TBX20: variants seen among roughly 807,000 people sequenced by gnomAD.
TBX20 encodes T-box transcription factor 20.
Under a neutral mutation model 42.9 loss-of-function variants are expected in TBX20, and 8 were observed. The observed-to-expected ratio is 0.19, with a 90% CI of 0.11 to 0.34. TBX20 has a LOEUF of 0.34. Ranked by LOEUF, TBX20 falls within the 10% of genes least tolerant of loss-of-function variation. The pLI, the probability that TBX20 is intolerant of heterozygous loss-of-function variation, is 1.00. For missense variants in TBX20, 411 were observed against 566.0 expected (o/e 0.73, Z 2.78); for synonymous variants, 198 against 222.8 (o/e 0.89, Z 0.99).
At chr7:35,218,218 G>A (rs1227058738) in intron 6 of TBX20, among the ~76,000 whole-genome samples, 1 of 152,196 alleles carries the variant, frequency 6.6e-6, no homozygotes, top group Non-Finnish European at 1.5e-5. Flanking sequence ...CAAAGACGTG[G>A]TGGAATGGAT....
chr7:35,236,594 C>A (rs1427477689), intron 5 of TBX20, among the ~76,000 whole-genome samples: 4 of 152,084 alleles, frequency 2.6e-5, no homozygotes, highest in Admixed American at 2.0e-4. Context: ...TTACTGAGCA[C>A]CTACAAGAGG....
intron 6 of TBX20, among the ~76,000 whole-genome samples, chr7:35,222,902 C>A (rs552088108): frequency 2.0e-4 from 31 of 152,190 alleles, no homozygotes; most frequent in African/African-American, 7.5e-4. Context: ...GATCAAACTT[C>A]CTTTCTTTGG....
In TBX20 at chr7:35,240,906, C is replaced by T. The variant is rs370693067; in HGVS notation, c.786G>A (p.Thr262=). The part of the protein sequence containing the change: ...RTFIFPETVF[T]AVTAYQNQLI... Reference sequence around the variant, plus strand: ...GTTGATTCTGGTAGGCAGTGACTGCCGTAAAAACTGTTTCTGGAAAGATGA... The same window carrying T: ...GTTGATTCTGGTAGGCAGTGACTGCTGTAAAAACTGTTTCTGGAAAGATGA... Residue 262 remains threonine, a synonymous_variant, in exon 5 of 8, where the codon ACG becomes ACA. Transcript: ENST00000408931. The T allele has an allele frequency of 1.3e-5, 21 of 1,613,684 alleles. No homozygotes were observed. In the African/African-American group the frequency reaches 1.9e-4, roughly 14 times the overall value.
chr7:35,204,618 T>G, intron 6 of TBX20, 36 bp from the exon 7 acceptor site: 1 of 1,510,844 alleles, frequency 6.6e-7, no homozygotes, highest in East Asian at 2.3e-5. Context: ...TTAAGTAAAA[T>G]GTAAAGGACT....
chr7:35,241,075 C>T lies in TBX20; in HGVS notation c.655-38G>A, dbSNP rs747263018. 6 of 1,598,020 alleles carry T rather than the reference C, an allele frequency of 3.8e-6. No homozygotes were observed. In the African/African-American group the frequency reaches 4.0e-5, roughly 11 times the overall value. ...GATGGGAAGTACTGAATTTTACATA[C>T]TTATACTGCTAAACAGGCCAAATTA... On this transcript the variant is annotated intron_variant, in intron 4 of 7. Transcript: ENST00000408931.
chr7:35,202,773 G>A lies in TBX20; in HGVS notation c.1004-3C>T, dbSNP rs1484676351. 3.2e-6 allele frequency: 5 copies of A among 1,549,038 alleles called. No individual in the cohort carries two copies. The South Asian group carries it at 6.0e-5, about 19-fold the overall frequency. On this transcript the variant is annotated splice_polypyrimidine_tract_variant and splice_region_variant and intron_variant, in intron 7 of 7. Transcript: ENST00000408931. The stretch of plus-strand genomic sequence containing the variant: ...ATCAGATGTTGTAAAGGCTGACCCT[G>A]TAAGGAAAAACACTCATTAGACTGG...
At chr7:35,233,311 C>T (rs4723398) in intron 5 of TBX20, among the ~76,000 whole-genome samples, 80,443 of 152,032 alleles carry the variant, frequency 0.53, 21,532 homozygotes, top group Admixed American at 0.61. Context: ...TTTGATAATA[C>T]TAATTTTAAA....
intron 4 of TBX20, among the ~76,000 whole-genome samples, chr7:35,241,493 TG>T (rs3214339): frequency 0.35 from 53,653 of 151,870 alleles, 9,923 homozygotes; most frequent in Admixed American, 0.45. Flanking sequence ...TAGACAGACT[TG>T]GGTAAAAATT....
In TBX20 at chr7:35,248,736, G is replaced by A. The variant is rs1434123349; in HGVS notation, c.486C>T (p.Tyr162=). ...IVPVDNKRYR[Y]AYHRSSWLVA... is the part of the protein sequence containing the mutation. ...CCAGCCAGGAGGACCGGTGGTAGGC[G>A]TAGCGGTACCTCTTGTTGTCCACAG... is the stretch of plus-strand genomic sequence containing the variant. Residue 162 remains tyrosine, a synonymous_variant, in exon 3 of 8, where the codon TAC becomes TAT. Coordinates refer to ENST00000408931, the MANE Select transcript of TBX20 (RefSeq NM_001077653.2). 6 of 1,614,200 alleles carry A rather than the reference G, an allele frequency of 3.7e-6. No homozygotes were observed. Among genetic ancestry groups the A allele is most frequent in the South Asian group, 2.2e-5 (2 of 91,086 alleles).
intron 6 of TBX20, among the ~76,000 whole-genome samples, chr7:35,210,566 G>A (rs1416452704): frequency 3.9e-5 from 6 of 151,932 alleles, no homozygotes; most frequent in African/African-American, 1.5e-4. Flanking sequence ...TTGTATATTT[G>A]TCTGTTTTTT....
Position 35,244,726 on chromosome 7 carries a change from T to C in TBX20, c.654+223A>G, listed in dbSNP as rs78301022. ...GGAATTCCATGGAACAGAAGATCCC[T>C]GACCTTCTTGCATAGAAATGGCACA... On this transcript the variant is annotated intron_variant, in intron 4 of 7. Transcript: ENST00000408931. 6.8e-3 allele frequency among the ~76,000 whole-genome samples: 1,040 copies of C among 152,332 alleles called. 8 individuals carry two copies. The highest frequency in any genetic ancestry group is 0.012 in the Non-Finnish European group (793 of 68,032).
intron 6 of TBX20, among the ~76,000 whole-genome samples, chr7:35,206,901 T>A (rs1379753009): frequency 6.6e-6 from 1 of 152,342 alleles, no homozygotes; most frequent in East Asian, 1.9e-4. Flanking sequence ...TGCATGGATA[T>A]ATTATGGTTT....
chr7:35,253,754 G>C lies in TBX20; in HGVS notation c.-134C>G, dbSNP rs959552896. 2 of 1,174,096 alleles carry C rather than the reference G, an allele frequency of 1.7e-6. No individual in the cohort carries two copies. The highest frequency in any genetic ancestry group is 2.4e-6 in the Non-Finnish European group (2 of 839,702). 72.7% of individuals were successfully genotyped at this position (1,174,096 alleles called of 1,614,324 possible). On this transcript the variant is annotated 5_prime_UTR_variant, in exon 1 of 8. Transcript: ENST00000408931. The stretch of plus-strand genomic sequence containing the variant: ...CACAGCGGGGCCAGGGACTCCAGAA[G>C]TGTCAGCTCCAACGACTCCAGAGCT...
At position 35,250,053 on chromosome 7, in the gene TBX20, G is replaced by C. The variant is rs1267512144; in HGVS notation, c.278C>G (p.Pro93Arg). 6.2e-7 allele frequency: 1 copy of C among 1,613,824 alleles called. No homozygotes were observed. Among genetic ancestry groups the C allele is most frequent in the East Asian group, 2.2e-5 (1 of 44,880 alleles). ...EPLIPTTPII[P>R]SEEMAKIACS... is the part of the protein sequence containing the mutation. ...GGCAATTTTGGCCATTTCCTCACTG[G>C]GGATGATGGGGGTGGTGGGGATCAG... is the stretch of plus-strand genomic sequence containing the variant. Residue 93 changes from proline to arginine, a missense_variant, in exon 2 of 8, where the codon CCC becomes CGC. Pro to Arg is a moderately radical substitution (Grantham distance 103). Around this residue, in one of 5 missense-constraint regions of TBX20, gnomAD observed 114 missense variants for 128.0 expected, o/e 0.89. Coordinates refer to ENST00000408931, the MANE Select transcript of TBX20 (RefSeq NM_001077653.2).
intron 5 of TBX20, among the ~76,000 whole-genome samples, chr7:35,236,733 GT>G (rs1453527311): frequency 6.6e-6 from 1 of 152,128 alleles, no homozygotes; most frequent in Non-Finnish European, 1.5e-5. Context: ...AGCGGCTATG[GT>G]TTTAAAGGTG....
intron 3 of TBX20, among the ~76,000 whole-genome samples, chr7:35,245,411 G>T (rs1412224285): frequency 6.6e-6 from 1 of 151,344 alleles, no homozygotes; most frequent in South Asian, 2.1e-4. Flanking sequence ...CTTGTTGAAG[G>T]TGCTTTCAAA....
At position 35,219,240 on chromosome 7, in the gene TBX20, CT is replaced by C. The variant is rs1020289197; in HGVS notation, c.890+12263del. Among the ~76,000 whole-genome samples the C allele has an allele frequency of 3.3e-5, 5 of 152,126 alleles. 1 individual carries two copies. Among genetic ancestry groups the C allele is most frequent in the African/African-American group, 1.2e-4 (5 of 41,492 alleles). On this transcript the variant is annotated intron_variant, in intron 6 of 7. Transcript: ENST00000408931. Reference sequence around the variant, plus strand: ...GTCAGTGGGAGCAGGGGGCAGAAAACTTTTTTCTGTAAAGGGCCATATAGTA... The same window carrying C: ...GTCAGTGGGAGCAGGGGGCAGAAAACTTTTTCTGTAAAGGGCCATATAGTA...
intron 5 of TBX20, among the ~76,000 whole-genome samples, chr7:35,237,077 A>G (rs1312336650): frequency 6.6e-6 from 1 of 152,070 alleles, no homozygotes; most frequent in African/African-American, 2.4e-5. Context: ...TGATGCCACC[A>G]AAAAGGAGGA....
chr7:35,247,314 C>T (rs1326810426), intron 3 of TBX20, among the ~76,000 whole-genome samples: 1 of 151,408 alleles, frequency 6.6e-6, no homozygotes, highest in East Asian at 1.9e-4. Context: ...TAGAAGAGAA[C>T]ACTAATTTTA....
Sources: gnomAD v4.1 joint callset for allele counts (sites outside exome capture counted in the v4.1 genomes callset) on GRCh38, gnomAD v4.1.1 for gene constraint, gnomAD v4.1.1 regional missense constraint, MANE v1.5 for transcripts, NCBI Gene and HGNC (gene_info 2026-07-23, HGNC 2026-07-21) for gene names.